HEXB: variants seen among roughly 807,000 people sequenced by gnomAD.
The protein encoded by HEXB is beta-hexosaminidase subunit beta.
In HEXB, 51 loss-of-function variants were observed where a neutral mutation model predicts 71.2. The observed-to-expected ratio is 0.72, with a 90% confidence interval of 0.57 to 0.90. The LOEUF is 0.90. HEXB is among the 40% of genes least tolerant of loss of function. The pLI is 0.00. For missense variants in HEXB, 617 were observed against 677.0 expected, an observed-to-expected ratio of 0.91 and a Z score of 0.98; for synonymous variants, 266 against 249.3, an observed-to-expected ratio of 1.07 and a Z score of -0.63.
Position 74,668,230 on chromosome 5 carries a change from T to TTGTGTGTG in HEXB, c.-376-21076_-376-21069dup, listed in dbSNP as rs34727155. On this transcript the variant is annotated intron_variant, in intron 1 of 13. Transcript: ENST00000511181. Reference sequence around the variant, plus strand: ...TTTTGTTTTTTTGTTTTTGTTTTGTTTGTGTGTGTGTGTGTGTGTGTGTGT... The same window carrying TTGTGTGTG: ...TTTTGTTTTTTTGTTTTTGTTTTGTTTGTGTGTGTGTGTGTGTGTGTGTGTGTGTGTGT... Among the ~76,000 whole-genome samples the TTGTGTGTG allele has an allele frequency of 6.4e-3, 956 of 148,682 alleles. 11 individuals carry two copies. Among genetic ancestry groups the TTGTGTGTG allele is most frequent in the African/African-American group, 0.022 (885 of 40,176 alleles).
chr5:74,679,520 G>A (rs1483586603), intron 1 of HEXB, among the ~76,000 whole-genome samples: 1 of 152,132 alleles, frequency 6.6e-6, no homozygotes, highest in East Asian at 1.9e-4. Context: ...AGGACTGTTG[G>A]CCAGGCGCGG....
rs1244191308 is a variant in HEXB, at chr5:74,708,661, CTT to C, written c.771+3344_771+3345del. 5.9e-5 allele frequency among the ~76,000 whole-genome samples: 9 copies of C among 152,034 alleles called. No individual in the cohort carries two copies. The East Asian group carries it at 1.2e-3, about 20-fold the overall frequency. On this transcript the variant is annotated intron_variant, in intron 6 of 13. Coordinates refer to ENST00000261416, the MANE Select transcript of HEXB (RefSeq NM_000521.4). The stretch of plus-strand genomic sequence containing the variant: ...CAATCCTAGTCTCTGATAAAACAGA[CTT>C]TTAAACCAACAAAGATCAAAAGAGA...
chr5:74,652,263 C>A lies in HEXB; in HGVS notation c.-377+11705C>A, dbSNP rs1748127077. Among the ~76,000 whole-genome samples the A allele has an allele frequency of 6.6e-6, 1 of 152,174 alleles. No homozygotes were observed. The highest frequency in any genetic ancestry group is 2.4e-5 in the African/African-American group (1 of 41,434). ...CATTTTGCTCATGAGGAAACAGGGG[C>A]AATGATGCGTTTGAACTTGTGCAAG... On this transcript the variant is annotated intron_variant, in intron 1 of 13. Transcript: ENST00000511181. This position sits in a 1 kb window ranked among gnomAD's most constrained non-coding sequence, Gnocchi z 5.4.
In HEXB at chr5:74,713,557, A is replaced by G. The variant is rs1419461949; in HGVS notation, c.823A>G (p.Ile275Val). The stretch of plus-strand genomic sequence containing the variant: ...TACACCAAATGATGTCCGTATGGTG[A>G]TTGAATATGCCAGATTACGAGGAAT... ...VYTPNDVRMV[I>V]EYARLRGIRV... The change falls in exon 7 of 14, where the codon ATT (isoleucine) becomes GTT (valine). Residue 275 changes from isoleucine (I) to valine (V), a missense_variant. Transcript: ENST00000261416. 1 of 1,611,330 alleles carries G rather than the reference A, an allele frequency of 6.2e-7. No individual in the cohort carries two copies. Among genetic ancestry groups the G allele is most frequent in the Non-Finnish European group, 8.5e-7 (1 of 1,177,522 alleles).
At chr5:74,647,275 C>A (rs1228357311) in intron 1 of HEXB, among the ~76,000 whole-genome samples, 1 of 152,266 alleles carries the variant, frequency 6.6e-6, no homozygotes, top group Non-Finnish European at 1.5e-5. Flanking sequence ...GGCCTCTATG[C>A]TCTGCTTCTA....
chr5:74,666,243 G>C (rs1748429456), intron 1 of HEXB, among the ~76,000 whole-genome samples: 1 of 152,218 alleles, frequency 6.6e-6, no homozygotes, highest in Non-Finnish European at 1.5e-5. Flanking sequence ...TCATCTCAAT[G>C]GGTCACAAAT....
chr5:74,660,187 C>T (rs1748293593), intron 1 of HEXB, among the ~76,000 whole-genome samples: 1 of 152,212 alleles, frequency 6.6e-6, no homozygotes, highest in Non-Finnish European at 1.5e-5. Context: ...ACAGCCATTC[C>T]TCCCTGATAG....
In HEXB at chr5:74,652,473, T is replaced by C. The variant is rs1480663535; in HGVS notation, c.-377+11915T>C. ...GAAAATTGCAGCCGCTCCCATGTGT[T>C]GGGATGTTTTGCAAAATTTTTTACA... On this transcript the variant is annotated intron_variant, in intron 1 of 13. Transcript: ENST00000511181. This position sits in a 1 kb window ranked among gnomAD's most constrained non-coding sequence, Gnocchi z 5.4. Among the ~76,000 whole-genome samples the C allele has an allele frequency of 1.3e-5, 2 of 152,250 alleles. No individual in the cohort carries two copies. Among genetic ancestry groups the C allele is most frequent in the East Asian group, 1.9e-4 (1 of 5,200 alleles).
chr5:74,678,996 T>G (rs565555103), intron 1 of HEXB, among the ~76,000 whole-genome samples: 2 of 152,268 alleles, frequency 1.3e-5, no homozygotes, highest in Admixed American at 1.3e-4. Context: ...TGGAATGAGG[T>G]TGTAGAGAAA....
intron 8 of HEXB, 130 bp from the exon 9 acceptor site, chr5:74,716,457 C>A: frequency 1.7e-6 from 1 of 592,094 alleles, no homozygotes; most frequent in Non-Finnish European, 3.1e-6. Context: ...AGTTTTTAGG[C>A]TTCTTTTTAC....
At chr5:74,654,052 G>C (rs1028905366) in intron 1 of HEXB, among the ~76,000 whole-genome samples, 1 of 152,066 alleles carries the variant, frequency 6.6e-6, no homozygotes, top group African/African-American at 2.4e-5. Context: ...AGTCCTCCCG[G>C]CTCCATCCTG....
chr5:74,650,808 C>T (rs904726676), intron 1 of HEXB, among the ~76,000 whole-genome samples: 1 of 151,322 alleles, frequency 6.6e-6, no homozygotes, highest in Non-Finnish European at 1.5e-5. Flanking sequence ...CACCTGTAGT[C>T]CCAGCTACTC....
intron 5 of HEXB, among the ~76,000 whole-genome samples, chr5:74,698,018 T>G (rs940018360): frequency 2.0e-5 from 3 of 151,900 alleles, no homozygotes; most frequent in South Asian, 2.1e-4. Context: ...CCATGTTTTT[T>G]TGCACCTTCA....
chr5:74,720,883 A>G, intron 13 of HEXB, 136 bp downstream of exon 13: 1 of 821,570 alleles, frequency 1.2e-6, no homozygotes, highest in Non-Finnish European at 2.1e-6. Context: ...TGTAAGTAAT[A>G]ATACCTGTAA....
rs771940115 is a variant in HEXB at position 74,713,625 on chromosome 5, T to C, written c.891T>C (p.Ser297=). 1 of 1,612,902 alleles carries C rather than the reference T, an allele frequency of 6.2e-7. No individual in the cohort carries two copies. Among genetic ancestry groups the C allele is most frequent in the Non-Finnish European group, 8.5e-7 (1 of 1,178,922 alleles). The change falls in exon 7 of 14, where the codon TCT becomes TCC. Residue 297 remains serine (S), a synonymous_variant. Transcript: ENST00000261416. ...TTGATACCCCTGGGCATACACTATC[T>C]TGGGGAAAAGGTAAGGAGTTGTATT... is the stretch of plus-strand genomic sequence containing the variant. ...PEFDTPGHTL[S]WGKGQKDLLT...
intron 11 of HEXB, among the ~76,000 whole-genome samples, chr5:74,719,671 C>T (rs1296922747): frequency 6.6e-6 from 1 of 152,084 alleles, no homozygotes; most frequent in African/African-American, 2.4e-5. Context: ...TGGCTGGGCA[C>T]GGTGGCTGAC....
intron 1 of HEXB, among the ~76,000 whole-genome samples, chr5:74,660,922 C>G (rs552476071): frequency 6.6e-6 from 1 of 152,106 alleles, no homozygotes; most frequent in East Asian, 1.9e-4. Context: ...AAGATCAACT[C>G]GAGAAAGCAA....
intron 6 of HEXB, among the ~76,000 whole-genome samples, chr5:74,713,145 C>G (rs1314545256): frequency 2.6e-5 from 4 of 152,194 alleles, no homozygotes; most frequent in Non-Finnish European, 5.9e-5. Flanking sequence ...AGTAGAAACT[C>G]TTGAAACAGG....
intron 1 of HEXB, among the ~76,000 whole-genome samples, chr5:74,644,772 T>TTA (rs1747971849): frequency 8.3e-6 from 1 of 120,486 alleles, no homozygotes; most frequent in Non-Finnish European, 1.7e-5. Flanking sequence ...TCCTTTTTTT[T>TTA]TTTTTTTTTT....
Sources: allele counts gnomAD v4.1 joint callset (sites outside exome capture counted in the v4.1 genomes callset), GRCh38; gene constraint gnomAD v4.1.1; non-coding constraint Gnocchi (gnomAD v3.1); transcripts MANE v1.5; gene names NCBI Gene and HGNC (gene_info 2026-07-23, HGNC 2026-07-21).